Variants in KCNC2 observed in about 807,000 individuals in gnomAD.
The protein encoded by KCNC2 is potassium voltage-gated channel subfamily C member 2.
In KCNC2, 21 loss-of-function variants were observed where a neutral mutation model predicts 44.5. The ratio of observed to expected loss-of-function variants is 0.47; its 90% CI spans 0.33 to 0.68. The LOEUF is 0.68. KCNC2 is among the 30% of genes least tolerant of loss of function. The pLI is 0.01. For missense variants in KCNC2, 589 were observed against 826.2 expected, an observed-to-expected ratio of 0.71 and a Z score of 3.52; for synonymous variants, 391 against 339.1, an observed-to-expected ratio of 1.15 and a Z score of -1.68.
At chr12:75,180,301 C>T (rs945600916) in intron 2 of KCNC2, among the ~76,000 whole-genome samples, 1 of 151,666 alleles carries the variant, frequency 6.6e-6, no homozygotes, top group African/African-American at 2.4e-5. Context: ...CATACTAAGA[C>T]CTCAAAAATG....
intron 2 of KCNC2, among the ~76,000 whole-genome samples, chr12:75,160,860 A>T (rs1891077569): frequency 6.6e-6 from 1 of 151,842 alleles, no homozygotes; most frequent in South Asian, 2.1e-4. Context: ...TGACCAAAAA[A>T]AGTTTTAAAA....
At chr12:75,200,673 A>G (rs915010294) in intron 2 of KCNC2, among the ~76,000 whole-genome samples, 2 of 151,780 alleles carry the variant, frequency 1.3e-5, no homozygotes, top group African/African-American at 4.8e-5. Flanking sequence ...ATGGAGCACT[A>G]TACACTATAC....
Position 75,051,184 on chromosome 12 carries a change from T to C in KCNC2, c.821A>G (p.Tyr274Cys), listed in dbSNP as rs1449284577. 6.2e-7 allele frequency: 1 copy of C among 1,613,784 alleles called. No individual in the cohort carries two copies. Among genetic ancestry groups the C allele is most frequent in the South Asian group, 1.1e-5 (1 of 91,080 alleles). The change falls in exon 3 of 5, where the codon TAT (tyrosine) becomes TGT (cysteine). Residue 274 changes from tyrosine to cysteine, a missense_variant. By Grantham distance (194) the Tyr-to-Cys change is radical (BLOSUM62 -2). This residue lies in a region of KCNC2 where 40 missense variants were observed against 40.6 expected (regional missense o/e 0.99). Coordinates refer to ENST00000549446, the MANE Select transcript of KCNC2 (RefSeq NM_139137.4). ...VINGTSVVLQ[Y>C]EIETDPALTY... ...CAAGGCAGGATCCGTTTCAATTTCA[T>C]ACTGTAGAACAACACTTGTGCCATT... is the stretch of plus-strand genomic sequence containing the variant.
chr12:75,056,820 G>A (rs1881792763), intron 2 of KCNC2, among the ~76,000 whole-genome samples: 1 of 151,948 alleles, frequency 6.6e-6, no homozygotes, highest in Non-Finnish European at 1.5e-5. Flanking sequence ...GTACTTACAT[G>A]GAATGGTCTC....
intron 2 of KCNC2, among the ~76,000 whole-genome samples, chr12:75,072,640 A>T (rs1883534690): frequency 6.6e-6 from 1 of 152,116 alleles, no homozygotes; most frequent in Non-Finnish European, 1.5e-5. Flanking sequence ...CCCATATAAA[A>T]AAAAAGGTCA....
chr12:75,207,457 C>T lies in KCNC2; in HGVS notation c.527G>A (p.Gly176Asp). ...LDIFETPDLI[G>D]GDPGDDEDLA... ...GTCCTCGTCGTCGCCGGGGTCGCCGCCAATGAGGTCGGGGGTCTCGAAGAT... is the reference window on the plus strand; with the variant it reads ...GTCCTCGTCGTCGCCGGGGTCGCCGTCAATGAGGTCGGGGGTCTCGAAGAT... Residue 176 changes from glycine to aspartate, a missense_variant, in exon 2 of 5, where the codon GGC becomes GAC. Gly to Asp is a moderately conservative substitution (Grantham distance 94). Transcript: ENST00000549446. The surrounding 1 kb of genome is among the most constrained non-coding windows in gnomAD (Gnocchi z 4.1). 1.2e-6 allele frequency: 2 copies of T among 1,611,610 alleles called. No homozygotes were observed. The highest frequency in any genetic ancestry group is 1.7e-6 in the Non-Finnish European group (2 of 1,179,264).
Position 75,040,997 on chromosome 12 carries a change from C to T in KCNC2, c.*2108G>A, listed in dbSNP as rs951959801. On this transcript the variant is annotated 3_prime_UTR_variant, in exon 5 of 5. Transcript: ENST00000549446. ...CTGGCCAGTCTACAAGCAGAGCACTCTCATGGGGAGCACCAGATGAGTTCC... is the reference window on the plus strand; with the variant it reads ...CTGGCCAGTCTACAAGCAGAGCACTTTCATGGGGAGCACCAGATGAGTTCC... 17 of 848,884 alleles carry T rather than the reference C, an allele frequency of 2.0e-5. No individual in the cohort carries two copies. Among genetic ancestry groups the T allele is most frequent in the African/African-American group, 1.5e-4 (9 of 60,398 alleles). The allele number at this position is 848,884 out of a possible 1,614,324, so 52.6% of individuals were successfully genotyped here. A position where few individuals can be genotyped will look rare whatever the true frequency, so the allele number is the denominator to read the frequency against.
In KCNC2 at chr12:75,041,334, G is replaced by A; in HGVS notation, c.*1771C>T. 1 of 1,482,760 alleles carries A rather than the reference G, an allele frequency of 6.7e-7. No individual in the cohort carries two copies. Among genetic ancestry groups the A allele is most frequent in the South Asian group, 1.3e-5 (1 of 74,678 alleles). 91.9% of individuals were successfully genotyped at this position (1,482,760 alleles called of 1,614,324 possible). On this transcript the variant is annotated 3_prime_UTR_variant, in exon 5 of 5. Coordinates refer to ENST00000549446, the MANE Select transcript of KCNC2 (RefSeq NM_139137.4). The stretch of plus-strand genomic sequence containing the variant: ...GTGTCTCTAAATATCATATATGTAT[G>A]TCTGGATAAATACATTGCTGTACAA...
At chr12:75,194,523 T>C (rs1437472354) in intron 2 of KCNC2, among the ~76,000 whole-genome samples, 1 of 152,148 alleles carries the variant, frequency 6.6e-6, no homozygotes, top group African/African-American at 2.4e-5. Context: ...TTGAAGTCAT[T>C]TGGTTGTGGT....
At chr12:75,113,478 T>C (rs750386532) in intron 2 of KCNC2, among the ~76,000 whole-genome samples, 3 of 152,200 alleles carry the variant, frequency 2.0e-5, no homozygotes, top group Non-Finnish European at 2.9e-5. Context: ...GAGAATTCTC[T>C]TCAGTATCAT....
chr12:75,122,318 C>T (rs1156500618), intron 2 of KCNC2, among the ~76,000 whole-genome samples: 4 of 152,190 alleles, frequency 2.6e-5, no homozygotes, highest in East Asian at 1.9e-4. Context: ...CACTATAATT[C>T]CCATTTCACA....
intron 2 of KCNC2, among the ~76,000 whole-genome samples, chr12:75,103,890 T>C (rs545411154): frequency 6.6e-6 from 1 of 152,344 alleles, no homozygotes; most frequent in South Asian, 2.1e-4. Context: ...ATATCTATGG[T>C]ACTGTACTTG....
At chr12:75,061,235 C>T (rs1352602888) in intron 2 of KCNC2, among the ~76,000 whole-genome samples, 1 of 152,006 alleles carries the variant, frequency 6.6e-6, no homozygotes, top group Non-Finnish European at 1.5e-5. Flanking sequence ...TTTATTTACA[C>T]CACTTTCCCC....
chr12:75,058,378 C>T (rs1881966135), intron 2 of KCNC2, among the ~76,000 whole-genome samples: 2 of 151,596 alleles, frequency 1.3e-5, no homozygotes, highest in African/African-American at 2.4e-5. Flanking sequence ...ATTAATTTGT[C>T]TTGGTATGAT....
intron 2 of KCNC2, among the ~76,000 whole-genome samples, chr12:75,161,928 C>A (rs1015781266): frequency 2.6e-5 from 4 of 151,736 alleles, no homozygotes; most frequent in African/African-American, 4.8e-5. Flanking sequence ...AGTAACATAA[C>A]TGAAAGCAAC....
intron 2 of KCNC2, among the ~76,000 whole-genome samples, chr12:75,112,270 GA>G (rs72534616): frequency 0.027 from 4,166 of 151,832 alleles, 84 homozygotes; most frequent in Non-Finnish European, 0.044. Context: ...TAAATATAAA[GA>G]AAAAAATATT....
At chr12:75,117,400 C>T (rs564269321) in intron 2 of KCNC2, among the ~76,000 whole-genome samples, 68 of 152,094 alleles carry the variant, frequency 4.5e-4, no homozygotes, top group Non-Finnish European at 8.8e-4. Flanking sequence ...AACAACTGTC[C>T]CCCCAAAAAG....
intron 2 of KCNC2, among the ~76,000 whole-genome samples, chr12:75,159,620 T>C (rs1890990784): frequency 6.6e-6 from 1 of 151,858 alleles, no homozygotes; most frequent in Admixed American, 6.6e-5. Flanking sequence ...AAACTCAATT[T>C]CTAACATCGC....
intron 2 of KCNC2, among the ~76,000 whole-genome samples, chr12:75,066,768 A>G (rs1165088838): frequency 6.6e-6 from 1 of 152,258 alleles, no homozygotes; most frequent in Non-Finnish European, 1.5e-5. Context: ...GTGGTTTTAA[A>G]GTGATAATTG....
Sources: allele counts gnomAD v4.1 joint callset (sites outside exome capture counted in the v4.1 genomes callset), GRCh38; gene constraint gnomAD v4.1.1; regional missense constraint gnomAD v4.1.1; non-coding constraint Gnocchi (gnomAD v3.1); transcripts MANE v1.5; gene names NCBI Gene and HGNC (gene_info 2026-07-23, HGNC 2026-07-21).